The following GPC6 variants were observed in gnomAD, a reference collection of about 807,000 sequenced individuals.
GPC6 encodes glypican-6.
GPC6 carries 14 observed loss-of-function variants against 55.2 expected under a neutral mutation model. The ratio of observed to expected loss-of-function variants is 0.25; its 90% confidence interval spans 0.17 to 0.40. GPC6 has a LOEUF of 0.40. Among genes scored for constraint, GPC6 ranks in the 10% least tolerant of loss-of-function variants. The probability of loss-of-function intolerance (pLI) is 1.00; values close to 1 mark genes in which losing one functional copy is unlikely to be tolerated. For missense variants in GPC6, 641 were observed against 708.5 expected, an observed-to-expected ratio of 0.90 and a Z score of 1.08; for synonymous variants, 278 against 259.6, an observed-to-expected ratio of 1.07 and a Z score of -0.68.
At chr13:93,903,916 G>T (rs531894401) in intron 3 of GPC6, among the ~76,000 whole-genome samples, 1 of 151,674 alleles carries the variant, frequency 6.6e-6, no homozygotes, top group African/African-American at 2.4e-5. Context: ...CCTGTGTGTA[G>T]TATCATCCCC....
At chr13:93,285,121 G>T (rs1878067340) in intron 1 of GPC6, among the ~76,000 whole-genome samples, 1 of 152,160 alleles carries the variant, frequency 6.6e-6, no homozygotes, top group Non-Finnish European at 1.5e-5. Context: ...ACAGGGAGAG[G>T]TTTAAGTCCA....
In GPC6 at chr13:93,353,707, T is replaced by C. The variant is rs373952276; in HGVS notation, c.160+126091T>C. 6.6e-4 allele frequency among the ~76,000 whole-genome samples: 100 copies of C among 152,346 alleles called. 2 individuals carry two copies. In the South Asian group the frequency reaches 0.019, roughly 30 times the overall value. ...CGTGAGGCTGTCTGGGTCATCTGTTTTTTTGCTCGTGATTACTCACCTAAG... is the reference window on the plus strand; with the variant it reads ...CGTGAGGCTGTCTGGGTCATCTGTTCTTTTGCTCGTGATTACTCACCTAAG... On this transcript the variant is annotated intron_variant, in intron 1 of 8. Coordinates refer to ENST00000377047, the MANE Select transcript of GPC6 (RefSeq NM_005708.5).
At chr13:94,157,437 G>A (rs1297129664) in intron 4 of GPC6, among the ~76,000 whole-genome samples, 1 of 152,128 alleles carries the variant, frequency 6.6e-6, no homozygotes, top group East Asian at 1.9e-4. Flanking sequence ...GCCCAGGTGG[G>A]CTTGAAAGGA....
chr13:93,222,057 G>T (rs1261025865), upstream of GPC6, among the ~76,000 whole-genome samples: 1 of 152,020 alleles, frequency 6.6e-6, no homozygotes, highest in Non-Finnish European at 1.5e-5. Context: ...ATTAACACAA[G>T]ACATTTCATA....
At chr13:93,912,675 A>G (rs9524278) in intron 3 of GPC6, among the ~76,000 whole-genome samples, 18,338 of 152,144 alleles carry the variant, frequency 0.12, 1,484 homozygotes, top group Admixed American at 0.21. Context: ...CCCAGGAGGC[A>G]GAGCTTGCAG....
At chr13:93,559,393 G>C (rs1875640644) in intron 2 of GPC6, among the ~76,000 whole-genome samples, 1 of 152,096 alleles carries the variant, frequency 6.6e-6, no homozygotes. Flanking sequence ...AAATATATAG[G>C]ACAAGGATCC....
chr13:93,682,765 T>A (rs2138768130), intron 2 of GPC6, among the ~76,000 whole-genome samples: 1 of 147,776 alleles, frequency 6.8e-6, no homozygotes, highest in South Asian at 2.2e-4. Flanking sequence ...CCCAGCACTT[T>A]GGGAGGCTGG....
chr13:93,795,837 A>G (rs1422991396), intron 2 of GPC6, among the ~76,000 whole-genome samples: 2 of 152,112 alleles, frequency 1.3e-5, no homozygotes, highest in Non-Finnish European at 2.9e-5. Flanking sequence ...TTGTGTTGGA[A>G]TTTTAATACA....
intron 3 of GPC6, among the ~76,000 whole-genome samples, chr13:93,846,552 C>T (rs920353161): frequency 6.6e-6 from 1 of 152,170 alleles, no homozygotes; most frequent in Non-Finnish European, 1.5e-5. Flanking sequence ...GTGGCTCACG[C>T]CTGTAATCCC....
chr13:94,366,379 T>G (rs1879288125), intron 6 of GPC6, among the ~76,000 whole-genome samples: 1 of 152,230 alleles, frequency 6.6e-6, no homozygotes, highest in Non-Finnish European at 1.5e-5. Context: ...AGCATCATCT[T>G]GTTAGCTATA....
intron 4 of GPC6, among the ~76,000 whole-genome samples, chr13:94,193,389 T>C (rs937085768): frequency 6.6e-6 from 1 of 152,150 alleles, no homozygotes; most frequent in Non-Finnish European, 1.5e-5. Flanking sequence ...ATGCCGCTAA[T>C]GTAATGTGGA....
intron 3 of GPC6, among the ~76,000 whole-genome samples, chr13:93,962,668 T>C (rs1879839597): frequency 6.6e-6 from 1 of 152,212 alleles, no homozygotes; most frequent in African/African-American, 2.4e-5. Flanking sequence ...TGAATCCAGG[T>C]GGTAAAACCT....
chr13:94,009,109 C>T (rs1882138270), intron 3 of GPC6, among the ~76,000 whole-genome samples: 1 of 152,028 alleles, frequency 6.6e-6, no homozygotes, highest in Admixed American at 6.6e-5. Flanking sequence ...ATAATTAAAG[C>T]TTAAGAGTAA....
intron 2 of GPC6, among the ~76,000 whole-genome samples, chr13:93,707,579 A>C (rs1454874756): frequency 6.6e-6 from 1 of 151,796 alleles, no homozygotes; most frequent in East Asian, 1.9e-4. Context: ...TGGACTGTAC[A>C]TCCAGGTGTT....
chr13:93,877,245 T>A (rs1874644751), intron 3 of GPC6, among the ~76,000 whole-genome samples: 1 of 152,056 alleles, frequency 6.6e-6, no homozygotes, highest in South Asian at 2.1e-4. Flanking sequence ...GGATACGGCC[T>A]ATTTTACAGT....
chr13:93,590,975 T>G (rs1877441394), intron 2 of GPC6, among the ~76,000 whole-genome samples: 1 of 151,310 alleles, frequency 6.6e-6, no homozygotes, highest in Admixed American at 6.6e-5. Context: ...ACCCTAAAAC[T>G]TAAAGTATAA....
intron 2 of GPC6, among the ~76,000 whole-genome samples, chr13:93,567,965 A>G (rs1876219669): frequency 6.6e-6 from 1 of 152,182 alleles, no homozygotes; most frequent in South Asian, 2.1e-4. Context: ...ATGACCCAAG[A>G]ATAGCAACTT....
rs568570261 is a variant in GPC6 at position 93,987,940 on chromosome 13, G to T, written c.712-39789G>T. Among the ~76,000 whole-genome samples the T allele has an allele frequency of 3.3e-5, 5 of 152,158 alleles. No individual in the cohort carries two copies. The South Asian group carries it at 1.0e-3, about 32-fold the overall frequency. On this transcript the variant is annotated intron_variant, in intron 3 of 8. Coordinates refer to ENST00000377047, the MANE Select transcript of GPC6 (RefSeq NM_005708.5). Reference sequence around the variant, plus strand: ...TCTACAAAGGGTCAACTGCCTCCTTGCCTCTTGTCCTGCTCCCTTGCCTAA... The same window carrying T: ...TCTACAAAGGGTCAACTGCCTCCTTTCCTCTTGTCCTGCTCCCTTGCCTAA...
chr13:93,789,509 C>CTCTCTCTATA lies in GPC6; in HGVS notation c.320-40644_320-40643insCTCTCTATAT, dbSNP rs1363454667. Among the ~76,000 whole-genome samples, 87 of 93,458 alleles carry CTCTCTCTATA rather than the reference C, an allele frequency of 9.3e-4. 2 individuals carry two copies. The highest frequency in any genetic ancestry group is 3.4e-3 in the African/African-American group (81 of 23,780). The allele number at this position is 93,458 out of a possible 152,430, so 61.3% of individuals were successfully genotyped here. On this transcript the variant is annotated intron_variant, in intron 2 of 8. Transcript: ENST00000377047. ...TCTCTCTCTCTCTCTCTCTCTCTCTCTATATATATATATATATATATATAT... is the reference window on the plus strand; with the variant it reads ...TCTCTCTCTCTCTCTCTCTCTCTCTCTCTCTCTATATATATATATATATATATATATATAT...
Sources: allele counts gnomAD v4.1 joint callset (sites outside exome capture counted in the v4.1 genomes callset), GRCh38; gene constraint gnomAD v4.1.1; transcripts MANE v1.5; gene names NCBI Gene and HGNC (gene_info 2026-07-23, HGNC 2026-07-21).